The following ATXN7L1 variants were observed in gnomAD, a reference collection of about 807,000 sequenced individuals.
ATXN7L1 encodes the protein ataxin-7-like protein 1.
A neutral mutation model predicts 70.8 loss-of-function variants in ATXN7L1; 15 were observed. The observed-to-expected ratio is 0.21, with a 90% CI of 0.14 to 0.33. ATXN7L1 has a LOEUF of 0.33. Ranked by LOEUF, ATXN7L1 falls within the 10% of genes least tolerant of loss-of-function variation. ATXN7L1 has a pLI of 1.00. For synonymous variants in ATXN7L1, 440 were observed against 445.1 expected (o/e 0.99, Z 0.14); for missense variants, 975 against 1,097.1 (o/e 0.89, Z 1.57).
intron 4 of ATXN7L1, among the ~76,000 whole-genome samples, chr7:105,659,853 T>G (rs1801307920): frequency 1.3e-5 from 2 of 152,086 alleles, no homozygotes; most frequent in South Asian, 2.1e-4. Context: ...GTTCCAAACA[T>G]TCAATGCCCA....
chr7:105,853,448 G>T lies in ATXN7L1; in HGVS notation c.250+22364C>A, dbSNP rs993426071. Among the ~76,000 whole-genome samples, 5 of 152,248 alleles carry T rather than the reference G, an allele frequency of 3.3e-5. No homozygotes were observed. The South Asian group carries it at 8.3e-4, about 25-fold the overall frequency. The stretch of plus-strand genomic sequence containing the variant: ...AGGTGCCTATAATCCCAGCTACTTC[G>T]GAGGCTGAGGCAGGAGAATCACTTG... On this transcript the variant is annotated intron_variant, in intron 2 of 11. Coordinates refer to ENST00000419735, the MANE Select transcript of ATXN7L1 (RefSeq NM_020725.2).
intron 2 of ATXN7L1, among the ~76,000 whole-genome samples, chr7:105,791,430 A>C (rs1209199): frequency 0.55 from 83,195 of 152,024 alleles, 23,051 homozygotes; most frequent in East Asian, 0.75. Flanking sequence ...AAGAGCCCGA[A>C]CCTGGGCCCA....
At chr7:105,667,019 C>G (rs933101916) in intron 3 of ATXN7L1, among the ~76,000 whole-genome samples, 1 of 152,254 alleles carries the variant, frequency 6.6e-6, no homozygotes, top group African/African-American at 2.4e-5. Context: ...GGGATACTTA[C>G]ACCTGTTCCT....
chr7:105,845,148 T>C (rs147189298), intron 2 of ATXN7L1, among the ~76,000 whole-genome samples: 2,026 of 128,364 alleles, frequency 0.016, 49 homozygotes, highest in African/African-American at 0.059. Flanking sequence ...GAGGTTGCAG[T>C]GAGCCAAGAT....
At chr7:105,641,579 A>G (rs1053532595) in intron 5 of ATXN7L1, among the ~76,000 whole-genome samples, 2 of 152,256 alleles carry the variant, frequency 1.3e-5, no homozygotes, top group Non-Finnish European at 2.9e-5. Context: ...TGCTTCTGCT[A>G]TGGCGAGGAG....
intron 4 of ATXN7L1, among the ~76,000 whole-genome samples, chr7:105,646,624 G>A (rs1300504483): frequency 1.3e-5 from 2 of 152,110 alleles, no homozygotes; most frequent in African/African-American, 2.4e-5. Context: ...CACCATGTTG[G>A]CCAGGCTGGT....
intron 2 of ATXN7L1, among the ~76,000 whole-genome samples, chr7:105,856,827 C>CAG (rs113369406): frequency 2.9e-4 from 43 of 148,732 alleles, no homozygotes; most frequent in African/African-American, 7.6e-4. Context: ...GTGTGTGAGA[C>CAG]AGAGAGAGAG....
chr7:105,676,093 G>A (rs1225097624), intron 3 of ATXN7L1, among the ~76,000 whole-genome samples: 1 of 152,128 alleles, frequency 6.6e-6, no homozygotes, highest in Non-Finnish European at 1.5e-5. Flanking sequence ...GAGAACGGAC[G>A]CGGCCCTCAG....
intron 2 of ATXN7L1, among the ~76,000 whole-genome samples, chr7:105,802,206 C>T (rs1230043907): frequency 6.6e-6 from 1 of 152,176 alleles, no homozygotes; most frequent in Non-Finnish European, 1.5e-5. Context: ...GTCAATCCTT[C>T]ATCACCATTA....
intron 3 of ATXN7L1, among the ~76,000 whole-genome samples, chr7:105,706,688 C>G (rs1466909785): frequency 6.6e-6 from 1 of 152,236 alleles, no homozygotes; most frequent in Non-Finnish European, 1.5e-5. Context: ...TGATAGCGCC[C>G]AAGGACAGGC....
Position 105,760,175 on chromosome 7 carries a change from A to G in ATXN7L1, c.355+28429T>C, listed in dbSNP as rs368931638. 7 of 982,032 alleles carry G rather than the reference A, an allele frequency of 7.1e-6. No homozygotes were observed. In the East Asian group the frequency reaches 4.5e-4, roughly 64 times the overall value. The allele number at this position is 982,032 out of a possible 1,614,324, so 60.8% of individuals were successfully genotyped here. Reference sequence around the variant, plus strand: ...CCCCTAACTGTTAATCTGTCTGTCCATCTATCCAACCATCCACCCATCCAA... The same window carrying G: ...CCCCTAACTGTTAATCTGTCTGTCCGTCTATCCAACCATCCACCCATCCAA... On this transcript the variant is annotated intron_variant, in intron 3 of 11. Transcript: ENST00000419735.
At chr7:105,785,077 C>T (rs954858361) in intron 3 of ATXN7L1, among the ~76,000 whole-genome samples, 2 of 152,208 alleles carry the variant, frequency 1.3e-5, no homozygotes, top group African/African-American at 4.8e-5. Flanking sequence ...AGACCTCGGG[C>T]AAAGCACTGA....
At chr7:105,611,830 T>C (rs1282109426) in intron 10 of ATXN7L1, among the ~76,000 whole-genome samples, 5 of 152,254 alleles carry the variant, frequency 3.3e-5, no homozygotes. Context: ...CCCGATCTCC[T>C]AGCAGAATTA....
intron 3 of ATXN7L1, among the ~76,000 whole-genome samples, chr7:105,699,890 ATCC>A (rs1483915284): frequency 6.6e-6 from 1 of 152,200 alleles, no homozygotes. Flanking sequence ...TGCCCCCACA[ATCC>A]TCCTTAGAGT....
intron 3 of ATXN7L1, among the ~76,000 whole-genome samples, chr7:105,781,847 A>T (rs1182830808): frequency 6.6e-6 from 1 of 151,970 alleles, no homozygotes; most frequent in Non-Finnish European, 1.5e-5. Flanking sequence ...TTTTATTTTT[A>T]TTTTTTGAGA....
chr7:105,733,932 TCATCCATC>T (rs76828507), intron 3 of ATXN7L1, among the ~76,000 whole-genome samples: 269 of 96,734 alleles, frequency 2.8e-3, no homozygotes, highest in South Asian at 0.012. Flanking sequence ...CCATCATCCA[TCATCCATC>T]CATCCATCCA....
At chr7:105,787,018 A>G (rs543808257) in intron 3 of ATXN7L1, among the ~76,000 whole-genome samples, 6 of 151,880 alleles carry the variant, frequency 4.0e-5, no homozygotes, top group South Asian at 2.1e-4. Flanking sequence ...CCTTCTTGCC[A>G]TGGCTCTGCT....
chr7:105,663,967 G>A (rs182272780), intron 4 of ATXN7L1, among the ~76,000 whole-genome samples: 75 of 151,948 alleles, frequency 4.9e-4, no homozygotes, highest in Admixed American at 1.7e-3. Context: ...ATGGGGTTTC[G>A]CCACGTTGGT....
intron 3 of ATXN7L1, among the ~76,000 whole-genome samples, chr7:105,770,602 G>C (rs1409671797): frequency 6.6e-6 from 1 of 152,140 alleles, no homozygotes; most frequent in Admixed American, 6.5e-5. Context: ...AGAGGAAATG[G>C]GGGTGGAGGT....
Sources: gnomAD v4.1 joint callset for allele counts (sites outside exome capture counted in the v4.1 genomes callset) on GRCh38, gnomAD v4.1.1 for gene constraint, MANE v1.5 for transcripts, NCBI Gene and HGNC (gene_info 2026-07-23, HGNC 2026-07-21) for gene names.